The following NFAT5 variants were observed in gnomAD, a reference collection of about 807,000 sequenced individuals.
NFAT5 encodes the protein nuclear factor of activated T cells 5, also known as nuclear factor of activated T-cells 5.
In NFAT5, 31 loss-of-function variants were observed where a neutral mutation model predicts 166.5. That is an observed-to-expected ratio of 0.19 (90% CI 0.14 to 0.25). The LOEUF (loss-of-function observed/expected upper bound fraction) is 0.25, where lower values mean the gene tolerates loss of function less well. Ranked by LOEUF, NFAT5 falls within the 10% of genes least tolerant of loss-of-function variation. The pLI, the probability that NFAT5 is intolerant of heterozygous loss-of-function variation, is 1.00. For synonymous variants in NFAT5, 612 were observed against 639.7 expected, an observed-to-expected ratio of 0.96 and a Z score of 0.65; for missense variants, 1,449 against 1,821.8, an observed-to-expected ratio of 0.80 and a Z score of 3.72.
At position 69,566,338 on chromosome 16, in the gene NFAT5, C is replaced by A; in HGVS notation, c.37C>A (p.Leu13Ile). 1 of 1,608,452 alleles carries A rather than the reference C, an allele frequency of 6.2e-7. No individual in the cohort carries two copies. The change falls in exon 1 of 15, where the codon CTA becomes ATA. Residue 13 changes from leucine to isoleucine, a missense_variant. Leu to Ile is a conservative substitution (Grantham distance 5). Transcript: ENST00000349945. This position sits in a 1 kb window ranked among gnomAD's most constrained non-coding sequence, Gnocchi z 5.7. ...SDFISLLSAD[L>I]DLESPKSLYS... ...CTTCATCTCATTGCTCAGCGCGGACCTAGACCTGGAATCGCCCAAGTCCCT... is the reference window on the plus strand; with the variant it reads ...CTTCATCTCATTGCTCAGCGCGGACATAGACCTGGAATCGCCCAAGTCCCT...
chr16:69,686,138 C>T (rs1360333961), intron 11 of NFAT5: 1 of 152,098 alleles, frequency 6.6e-6, no homozygotes, highest in Non-Finnish European at 1.5e-5. Flanking sequence ...CATCGGAGGT[C>T]AGGAGTTGGA....
rs538719313 is a variant in NFAT5, at chr16:69,687,355, C to T, written c.1774+2385C>T. ...AGTTGGGAGGCTGAGACAGGAGAAT[C>T]GCTTGAATCCAGGAGGCGAAGGTTG... is the stretch of plus-strand genomic sequence containing the variant. On this transcript the variant is annotated intron_variant, in intron 11 of 14. Transcript: ENST00000349945. 2.3e-4 allele frequency among the ~76,000 whole-genome samples: 34 copies of T among 149,106 alleles called. No homozygotes were observed. In the South Asian group the frequency reaches 7.3e-3, roughly 32 times the overall value.
chr16:69,642,179 C>T (rs1379071048), intron 3 of NFAT5, among the ~76,000 whole-genome samples: 1 of 152,146 alleles, frequency 6.6e-6, no homozygotes, highest in Admixed American at 6.5e-5. Context: ...CTGGGATATT[C>T]ATATTCCATG....
At chr16:69,630,761 A>C (rs1039426642) in intron 3 of NFAT5, among the ~76,000 whole-genome samples, 10 of 152,088 alleles carry the variant, frequency 6.6e-5, no homozygotes, top group Non-Finnish European at 1.3e-4. Context: ...ACAGAATTAA[A>C]ACATAGGTAT....
rs565736368 is a variant in NFAT5, at chr16:69,586,795, G to A, written c.127+18247G>A. 6.6e-5 allele frequency among the ~76,000 whole-genome samples: 10 copies of A among 152,268 alleles called. 1 individual carries two copies. Among genetic ancestry groups the A allele is most frequent in the African/African-American group, 2.4e-4 (10 of 41,544 alleles). On this transcript the variant is annotated intron_variant, in intron 2 of 14. Coordinates refer to ENST00000349945, the MANE Select transcript of NFAT5 (RefSeq NM_138713.4). ...ATGTTTGTATTTAATAGTAGCAATAGGATTGCAGTTTTCTAATAAATATCA... is the reference window on the plus strand; with the variant it reads ...ATGTTTGTATTTAATAGTAGCAATAAGATTGCAGTTTTCTAATAAATATCA...
At chr16:69,598,153 C>T (rs532318085) in intron 2 of NFAT5, among the ~76,000 whole-genome samples, 2 of 151,732 alleles carry the variant, frequency 1.3e-5, no homozygotes, top group South Asian at 2.1e-4. Context: ...AAGCCCGAGG[C>T]GGGAGGATAG....
chr16:69,608,436 T>C (rs923668222), intron 2 of NFAT5, among the ~76,000 whole-genome samples: 1 of 152,024 alleles, frequency 6.6e-6, no homozygotes, highest in East Asian at 1.9e-4. Context: ...CTCCTAGCTC[T>C]ACCACTTCAA....
intron 2 of NFAT5, among the ~76,000 whole-genome samples, chr16:69,592,456 G>C (rs756639074): frequency 5.9e-5 from 9 of 151,962 alleles, no homozygotes; most frequent in Admixed American, 1.3e-4. Flanking sequence ...AATTATTATA[G>C]TATCTAAAAT....
intron 2 of NFAT5, among the ~76,000 whole-genome samples, chr16:69,589,631 T>A (rs531268500): frequency 1.4e-4 from 21 of 152,270 alleles, no homozygotes; most frequent in Non-Finnish European, 2.8e-4. Context: ...AATAGAAACT[T>A]CAGGTTGCAG....
intron 10 of NFAT5, among the ~76,000 whole-genome samples, chr16:69,681,233 T>G (rs2037045981): frequency 6.6e-6 from 1 of 152,198 alleles, no homozygotes; most frequent in African/African-American, 2.4e-5. Flanking sequence ...AATATTTGAT[T>G]ACTCGATAGT....
chr16:69,659,969 C>G, intron 7 of NFAT5, 70 bp downstream of exon 7: 1 of 1,298,032 alleles, frequency 7.7e-7, no homozygotes, highest in Non-Finnish European at 1.1e-6. Flanking sequence ...TTTTAGACAT[C>G]TCTAAATTTT....
At chr16:69,627,856 G>T (rs1392259469) in intron 3 of NFAT5, among the ~76,000 whole-genome samples, 1 of 151,982 alleles carries the variant, frequency 6.6e-6, no homozygotes, top group Non-Finnish European at 1.5e-5. Flanking sequence ...TATTTTTCTG[G>T]AATTTTAAGT....
chr16:69,609,860 C>T (rs2033621843), intron 2 of NFAT5, among the ~76,000 whole-genome samples: 1 of 149,014 alleles, frequency 6.7e-6, no homozygotes, highest in South Asian at 2.1e-4. Flanking sequence ...AAAATATTAG[C>T]TGGACATGGT....
At chr16:69,655,001 T>A (rs2151635599) in intron 5 of NFAT5, among the ~76,000 whole-genome samples, 1 of 152,322 alleles carries the variant, frequency 6.6e-6, no homozygotes, top group Admixed American at 6.5e-5. Flanking sequence ...AAATTATAAT[T>A]TAATTTATGA....
chr16:69,578,934 G>A (rs2031483101), intron 2 of NFAT5, among the ~76,000 whole-genome samples: 2 of 151,820 alleles, frequency 1.3e-5, no homozygotes, highest in Admixed American at 6.6e-5. Context: ...GAGTGCAGTG[G>A]CGTAATCTCG....
At chr16:69,620,890 A>G (rs1249829597) in intron 2 of NFAT5, among the ~76,000 whole-genome samples, 1 of 152,244 alleles carries the variant, frequency 6.6e-6, no homozygotes, top group African/African-American at 2.4e-5. Context: ...TTGAAAAGTC[A>G]TATCTTTGTT....
chr16:69,598,970 C>T (rs569107100), intron 2 of NFAT5, among the ~76,000 whole-genome samples: 104 of 148,578 alleles, frequency 7.0e-4, no homozygotes, highest in South Asian at 4.7e-3. Context: ...GCTGAAATGG[C>T]GCCACTGTAC....
At chr16:69,603,608 C>T (rs1006257832) in intron 2 of NFAT5, among the ~76,000 whole-genome samples, 6 of 151,972 alleles carry the variant, frequency 3.9e-5, no homozygotes, top group African/African-American at 1.5e-4. Context: ...AAAAATTAGC[C>T]GGGCATGGTG....
At chr16:69,635,018 G>A (rs540883231) in intron 3 of NFAT5, among the ~76,000 whole-genome samples, 31 of 138,416 alleles carry the variant, frequency 2.2e-4, no homozygotes, top group African/African-American at 8.3e-4. Flanking sequence ...TCCTTTGTTA[G>A]TAAAGTTTTT....
Sources: allele counts gnomAD v4.1 joint callset (sites outside exome capture counted in the v4.1 genomes callset), GRCh38; gene constraint gnomAD v4.1.1; non-coding constraint Gnocchi (gnomAD v3.1); transcripts MANE v1.5; gene names NCBI Gene and HGNC (gene_info 2026-07-23, HGNC 2026-07-21).